The following ZNF454 variants were observed in gnomAD, a reference collection of about 807,000 sequenced individuals.
ZNF454 encodes the protein zinc finger protein 454.
ZNF454 carries 30 observed loss-of-function variants against 48.2 expected under a neutral mutation model. That is an observed-to-expected ratio of 0.62 (90% CI 0.47 to 0.84). The LOEUF (loss-of-function observed/expected upper bound fraction) is 0.84, where lower values mean the gene tolerates loss of function less well. ZNF454 is among the 40% of genes least tolerant of loss of function. The pLI is 0.00. For synonymous variants in ZNF454, 204 were observed against 211.4 expected, an observed-to-expected ratio of 0.97 and a Z score of 0.30; for missense variants, 510 against 623.1, an observed-to-expected ratio of 0.82 and a Z score of 1.93.
At chr5:178,971,035 T>C (rs571025688), downstream of ZNF454, among the ~76,000 whole-genome samples, 5 of 152,364 alleles carry the variant, frequency 3.3e-5, no homozygotes, top group African/African-American at 1.2e-4. Context: ...CACCAGATGC[T>C]GTTGTAAGAA....
At chr5:178,985,819 T>C in the ZNF454 span, 37 of 523,490 alleles carry the variant, frequency 7.1e-5, no homozygotes, top group Admixed American at 9.9e-4. Context: ...TGGATTGTAG[T>C]GGTGCGATCT....
the ZNF454 span, chr5:178,987,090 AC>A: frequency 6.0e-6 from 7 of 1,158,660 alleles, no homozygotes; most frequent in Non-Finnish European, 7.5e-6. Flanking sequence ...AACAAGCATC[AC>A]TGCTCATAAG....
chr5:178,953,016 C>T (rs1759617995), intron 4 of ZNF454, among the ~76,000 whole-genome samples: 1 of 152,200 alleles, frequency 6.6e-6, no homozygotes, highest in East Asian at 1.9e-4. Flanking sequence ...CCCCCCACTT[C>T]CCCATTTTCC....
chr5:178,958,459 A>G (rs943593904), intron 4 of ZNF454, among the ~76,000 whole-genome samples: 1 of 152,260 alleles, frequency 6.6e-6, no homozygotes, highest in Non-Finnish European at 1.5e-5. Context: ...ATGTTTCGCC[A>G]TATAAACCTG....
chr5:178,976,471 A>G, the ZNF454 span, among the ~76,000 whole-genome samples: 1 of 151,954 alleles, frequency 6.6e-6, no homozygotes, highest in African/African-American at 2.4e-5. Flanking sequence ...GGGGGCAGTG[A>G]GGAGGGGCTA....
At chr5:178,947,226 A>G (rs770284605) in intron 4 of ZNF454, among the ~76,000 whole-genome samples, 1 of 152,300 alleles carries the variant, frequency 6.6e-6, no homozygotes, top group South Asian at 2.1e-4. Flanking sequence ...GTAGATTAGT[A>G]GAGTCTCTGG....
chr5:178,984,233 C>T, the ZNF454 span, among the ~76,000 whole-genome samples: 122 of 152,236 alleles, frequency 8.0e-4, no homozygotes, highest in African/African-American at 2.5e-3. Flanking sequence ...GGCTGCACAG[C>T]GGTAACCACC....
the ZNF454 span, among the ~76,000 whole-genome samples, chr5:178,972,260 A>C: frequency 6.6e-6 from 1 of 152,206 alleles, no homozygotes; most frequent in Non-Finnish European, 1.5e-5. Context: ...AAAAATTTTA[A>C]ATATATACAC....
chr5:178,982,710 A>G, the ZNF454 span: 2 of 547,292 alleles, frequency 3.7e-6, no homozygotes, highest in Non-Finnish European at 6.5e-6. Context: ...AAAAAGAAAA[A>G]AAGAAGAGTG....
At chr5:178,955,000 A>G (rs1420422807) in intron 4 of ZNF454, among the ~76,000 whole-genome samples, 1 of 152,250 alleles carries the variant, frequency 6.6e-6, no homozygotes, top group African/African-American at 2.4e-5. Context: ...TAAAGCCACT[A>G]TGAACATTCT....
At chr5:178,985,441 C>G in the ZNF454 span, among the ~76,000 whole-genome samples, 1 of 151,634 alleles carries the variant, frequency 6.6e-6, no homozygotes, top group Admixed American at 6.6e-5. Context: ...CAGCGGCTCC[C>G]GCCTGTCATC....
chr5:178,949,097 T>G (rs1453695829), intron 4 of ZNF454, among the ~76,000 whole-genome samples: 1 of 152,126 alleles, frequency 6.6e-6, no homozygotes, highest in Non-Finnish European at 1.5e-5. Context: ...TCACCCAGGC[T>G]GGAGTGCAGT....
At chr5:178,972,512 C>T in the ZNF454 span, among the ~76,000 whole-genome samples, 1 of 152,132 alleles carries the variant, frequency 6.6e-6, no homozygotes. Flanking sequence ...GGGCCACGTG[C>T]TCACCTGGAG....
the ZNF454 span, among the ~76,000 whole-genome samples, chr5:178,984,855 C>T: frequency 3.3e-5 from 5 of 152,122 alleles, no homozygotes; most frequent in African/African-American, 1.2e-4. Context: ...CAGGTGTTCG[C>T]ACTGAGGCCA....
chr5:178,988,022 A>G, the ZNF454 span, among the ~76,000 whole-genome samples: 1 of 152,140 alleles, frequency 6.6e-6, no homozygotes. The surrounding 1 kb of genome is among the most constrained non-coding windows in gnomAD (Gnocchi z 6.0). Context: ...GGCCTCCCAA[A>G]GTGCTCAGAT....
At chr5:178,989,284 A>T in the ZNF454 span, 3 of 1,600,186 alleles carry the variant, frequency 1.9e-6, no homozygotes, top group Admixed American at 5.1e-5. Flanking sequence ...TGCGGGTGGA[A>T]TCGTCTGACT....
At chr5:178,975,366 A>G in the ZNF454 span, among the ~76,000 whole-genome samples, 5 of 152,358 alleles carry the variant, frequency 3.3e-5, no homozygotes, top group South Asian at 4.1e-4. Flanking sequence ...TGACCACTAC[A>G]ACTGCTCTGC....
At chr5:178,988,670 G>A in the ZNF454 span, among the ~76,000 whole-genome samples, 2 of 152,278 alleles carry the variant, frequency 1.3e-5, no homozygotes, top group Middle Eastern at 3.4e-3. This position sits in a 1 kb window ranked among gnomAD's most constrained non-coding sequence, Gnocchi z 6.0. Context: ...ACCCACTGGG[G>A]GTTCCTGGCA....
chr5:178,965,695 C>G lies in ZNF454; in HGVS notation c.1291C>G (p.Gln431Glu). 1 of 1,614,172 alleles carries G rather than the reference C, an allele frequency of 6.2e-7. No individual in the cohort carries two copies. The highest frequency in any genetic ancestry group is 8.5e-7 in the Non-Finnish European group (1 of 1,180,044). ...FRDQSALAQH[Q>E]RIHTGEKPYT... is the part of the protein sequence containing the mutation. The stretch of plus-strand genomic sequence containing the variant: ...GGACCAATCAGCACTAGCCCAACAT[C>G]AGAGAATTCATACTGGGGAAAAACC... Residue 431 changes from glutamine (Q) to glutamate (E), a missense_variant, in exon 5 of 5, where the codon CAG becomes GAG. Around this residue, in one of 3 missense-constraint regions of ZNF454, gnomAD observed 153 missense variants for 195.8 expected, o/e 0.78. Coordinates refer to ENST00000519564, the MANE Select transcript of ZNF454 (RefSeq NM_001178089.3). This position sits in a 1 kb window ranked among gnomAD's most constrained non-coding sequence, Gnocchi z 5.2.
Sources: allele counts gnomAD v4.1 joint callset (sites outside exome capture counted in the v4.1 genomes callset), GRCh38; gene constraint gnomAD v4.1.1; regional missense constraint gnomAD v4.1.1; non-coding constraint Gnocchi (gnomAD v3.1); transcripts MANE v1.5; gene names NCBI Gene and HGNC (gene_info 2026-07-23, HGNC 2026-07-21).